Variants in DLGAP1 observed in about 807,000 individuals in gnomAD.
DLGAP1 encodes the protein DLG associated protein 1.
Under a neutral mutation model 90.8 loss-of-function variants are expected in DLGAP1, and 11 were observed. That is an observed-to-expected ratio of 0.12 (90% confidence interval 0.08 to 0.20). DLGAP1 has a LOEUF of 0.20. Ranked by LOEUF, DLGAP1 falls within the 10% of genes least tolerant of loss-of-function variation. The pLI is 1.00. For synonymous variants in DLGAP1, 558 were observed against 540.7 expected (o/e 1.03, Z -0.44); for missense variants, 1,050 against 1,333.8 (o/e 0.79, Z 3.31).
At chr18:4,397,769 T>C (rs1421851469) in intron 1 of DLGAP1, among the ~76,000 whole-genome samples, 2 of 152,212 alleles carry the variant, frequency 1.3e-5, no homozygotes, top group African/African-American at 4.8e-5. Flanking sequence ...TTTTTGTAGA[T>C]CAATCTTACC....
At chr18:4,033,396 A>G (rs1269225381) in intron 2 of DLGAP1, among the ~76,000 whole-genome samples, 1 of 152,088 alleles carries the variant, frequency 6.6e-6, no homozygotes, top group African/African-American at 2.4e-5. Flanking sequence ...AAATGGTTGT[A>G]CCATAAGTTA....
rs1266622424 is a variant in DLGAP1 at position 3,949,254 on chromosome 18, T to G, written c.-73+55862A>C. On this transcript the variant is annotated intron_variant, in intron 3 of 12. Coordinates refer to ENST00000315677, the MANE Select transcript of DLGAP1 (RefSeq NM_004746.4). ...AGCCTCCCTTACAATTGGCTTGAGT[T>G]AGGTTCAAAAAATTAGATAGTAACT... Among the ~76,000 whole-genome samples, 3 of 152,194 alleles carry G rather than the reference T, an allele frequency of 2.0e-5. 1 individual carries two copies. The highest frequency in any genetic ancestry group is 4.4e-5 in the Non-Finnish European group (3 of 68,040).
intron 7 of DLGAP1, among the ~76,000 whole-genome samples, chr18:3,695,190 C>T (rs1477719581): frequency 2.0e-5 from 3 of 152,010 alleles, no homozygotes; most frequent in Admixed American, 6.6e-5. Context: ...ATGGTCCACC[C>T]GTTTCAGCCT....
chr18:4,143,678 A>C (rs2076533169), intron 2 of DLGAP1, among the ~76,000 whole-genome samples: 1 of 152,036 alleles, frequency 6.6e-6, no homozygotes, highest in Non-Finnish European at 1.5e-5. Context: ...TTTCACAAGC[A>C]GAAATGGTCT....
At chr18:3,848,986 C>T (rs916362118) in intron 4 of DLGAP1, among the ~76,000 whole-genome samples, 3 of 152,184 alleles carry the variant, frequency 2.0e-5, no homozygotes, top group African/African-American at 7.2e-5. Context: ...CATGGTCCTG[C>T]ATCTTTCCAG....
rs1598954474 is a variant in DLGAP1 at position 3,502,605 on chromosome 18, G to A, written c.2612C>T (p.Ala871Val). ...CAACTGCAGCATGTCCCAAAACCCC[G>A]CCAAATCCTGGGAGGTGGGTCTTGG... ...AHPRPTSQDL[A>V]GFWDMLQLSI... The change falls in exon 12 of 13, where the codon GCG becomes GTG. Residue 871 changes from alanine to valine, a missense_variant. By Grantham distance (64) the Ala-to-Val change is moderately conservative. Around this residue, in one of 2 missense-constraint regions of DLGAP1, gnomAD observed 565 missense variants for 879.7 expected, o/e 0.64. Coordinates refer to ENST00000315677, the MANE Select transcript of DLGAP1 (RefSeq NM_004746.4). 3 of 1,613,940 alleles carry A rather than the reference G, an allele frequency of 1.9e-6. No homozygotes were observed. Among genetic ancestry groups the A allele is most frequent in the Non-Finnish European group, 2.5e-6 (3 of 1,179,964 alleles).
intron 1 of DLGAP1, among the ~76,000 whole-genome samples, chr18:4,164,298 C>T (rs116053154): frequency 0.018 from 2,697 of 152,240 alleles, 83 homozygotes; most frequent in African/African-American, 0.062. Flanking sequence ...TGAGAAAGGA[C>T]AATCAACTGA....
chr18:3,726,877 A>T (rs2062203213), intron 7 of DLGAP1, among the ~76,000 whole-genome samples: 1 of 152,192 alleles, frequency 6.6e-6, no homozygotes, highest in Non-Finnish European at 1.5e-5. Context: ...GATAAGATTC[A>T]TAGAGTCCAA....
intron 7 of DLGAP1, among the ~76,000 whole-genome samples, chr18:3,590,966 CAA>C (rs1374179496): frequency 6.6e-6 from 1 of 151,696 alleles, no homozygotes; most frequent in African/African-American, 2.4e-5. Context: ...AAAAACAAAA[CAA>C]AACAAAACAA....
intron 2 of DLGAP1, among the ~76,000 whole-genome samples, chr18:4,066,564 T>C (rs1441616060): frequency 1.3e-5 from 2 of 152,044 alleles, no homozygotes; most frequent in African/African-American, 4.8e-5. Flanking sequence ...CCAACAAGCA[T>C]ATGAAAAATA....
Position 3,991,660 on chromosome 18 carries a change from G to A in DLGAP1, c.-73+13456C>T, listed in dbSNP as rs74379847. Among the ~76,000 whole-genome samples, 794 of 152,222 alleles carry A rather than the reference G, an allele frequency of 5.2e-3. 9 individuals are homozygous for A. Among genetic ancestry groups the A allele is most frequent in the African/African-American group, 0.018 (748 of 41,534 alleles). The stretch of plus-strand genomic sequence containing the variant: ...TCTCCCCAGAGCTATGCCTGATTTG[G>A]GCTGAGACAGTGGAAAATACACAAT... On this transcript the variant is annotated intron_variant, in intron 3 of 12. Coordinates refer to ENST00000315677, the MANE Select transcript of DLGAP1 (RefSeq NM_004746.4).
intron 2 of DLGAP1, among the ~76,000 whole-genome samples, chr18:4,082,767 G>C (rs1292345105): frequency 6.6e-6 from 1 of 152,028 alleles, no homozygotes; most frequent in African/African-American, 2.4e-5. Flanking sequence ...GTGAAATTCA[G>C]GCAACTGGTG....
chr18:4,199,494 A>C (rs2077566357), intron 1 of DLGAP1, among the ~76,000 whole-genome samples: 1 of 152,206 alleles, frequency 6.6e-6, no homozygotes, highest in Non-Finnish European at 1.5e-5. Context: ...AATTAAGATA[A>C]CTGTGAATAA....
chr18:3,946,750 C>CATA (rs1233598565), intron 3 of DLGAP1, among the ~76,000 whole-genome samples: 1 of 152,054 alleles, frequency 6.6e-6, no homozygotes, highest in African/African-American at 2.4e-5. Flanking sequence ...CAAGGTTATT[C>CATA]ATAATTAAAG....
intron 2 of DLGAP1, among the ~76,000 whole-genome samples, chr18:4,126,802 C>T (rs1038631488): frequency 3.9e-5 from 6 of 152,094 alleles, no homozygotes; most frequent in African/African-American, 7.2e-5. Context: ...AACCCAAAAA[C>T]GTAGATATCA....
At chr18:4,188,519 T>C (rs531983193) in intron 1 of DLGAP1, among the ~76,000 whole-genome samples, 1 of 152,222 alleles carries the variant, frequency 6.6e-6, no homozygotes, top group East Asian at 1.9e-4. Context: ...TCTGTGTCTA[T>C]GTGTTCTCAT....
chr18:3,602,689 T>G (rs929298190), intron 7 of DLGAP1, among the ~76,000 whole-genome samples: 5 of 152,096 alleles, frequency 3.3e-5, no homozygotes, highest in African/African-American at 1.2e-4. Flanking sequence ...CTAGATATGT[T>G]TATTATCTCC....
chr18:4,099,555 C>T (rs917996613), intron 2 of DLGAP1, among the ~76,000 whole-genome samples: 3 of 152,042 alleles, frequency 2.0e-5, no homozygotes, highest in Admixed American at 2.0e-4. Context: ...TACTTTATTG[C>T]TAAAAATGCT....
chr18:3,879,998 G>A lies in DLGAP1; in HGVS notation c.71C>T (p.Ser24Leu), dbSNP rs1298741540. The A allele has an allele frequency of 7.4e-6, 12 of 1,611,024 alleles. No homozygotes were observed. The highest frequency in any genetic ancestry group is 1.3e-5 in the African/African-American group (1 of 75,030). Residue 24 changes from serine (S) to leucine (L), a missense_variant, in exon 4 of 13, where the codon TCG (serine) becomes TTG (leucine). Ser to Leu is a moderately radical substitution (Grantham distance 145). Coordinates refer to ENST00000315677, the MANE Select transcript of DLGAP1 (RefSeq NM_004746.4). This position sits in a 1 kb window ranked among gnomAD's most constrained non-coding sequence, Gnocchi z 6.6. ...GTAGGGCTTGCGGTCGGAGTGGTGCGACAGCGAGTCACAGGCCGAGTCGCA... is the reference window on the plus strand; with the variant it reads ...GTAGGGCTTGCGGTCGGAGTGGTGCAACAGCGAGTCACAGGCCGAGTCGCA... The part of the protein sequence containing the change: ...VTCDSACDSL[S>L]HHSDRKPYLL...
Sources: gnomAD v4.1 joint callset for allele counts (sites outside exome capture counted in the v4.1 genomes callset) on GRCh38, gnomAD v4.1.1 for gene constraint, gnomAD v4.1.1 regional missense constraint, Gnocchi (gnomAD v3.1) non-coding constraint, MANE v1.5 for transcripts, NCBI Gene and HGNC (gene_info 2026-07-23, HGNC 2026-07-21) for gene names.